AHCTF1: variants seen among roughly 807,000 people sequenced by gnomAD.
AHCTF1 encodes the protein AT-hook containing transcription factor 1.
A neutral mutation model predicts 248.4 loss-of-function variants in AHCTF1; 24 were observed. The observed-to-expected ratio is 0.10, with a 90% CI of 0.07 to 0.14. AHCTF1 has a LOEUF of 0.14. AHCTF1 is among the 10% of genes least tolerant of loss of function. The pLI is 1.00. For synonymous variants in AHCTF1, 786 were observed against 929.8 expected (o/e 0.85, Z 2.81); for missense variants, 2,206 against 2,636.2 (o/e 0.84, Z 3.57).
At chr1:246,888,580 G>A (rs770871250) in intron 17 of AHCTF1, 63 bp from the exon 18 acceptor site, 43 of 1,550,522 alleles carry the variant, frequency 2.8e-5, no homozygotes, top group Non-Finnish European at 3.0e-5. Flanking sequence ...AAAGCAACCA[G>A]CATCAAAATA....
chr1:246,898,448 A>G (rs2103163159), intron 11 of AHCTF1, 112 bp from the exon 12 acceptor site: 1 of 1,157,792 alleles, frequency 8.6e-7, no homozygotes, highest in Non-Finnish European at 1.2e-6. Context: ...AGCAAGTGGA[A>G]ATTATGAAAG....
chr1:246,868,077 C>G (rs1047708499), intron 24 of AHCTF1, among the ~76,000 whole-genome samples: 1 of 151,850 alleles, frequency 6.6e-6, no homozygotes, highest in Non-Finnish European at 1.5e-5. Context: ...ATTCTCCTGC[C>G]TCAGCCTCCC....
intron 1 of AHCTF1, among the ~76,000 whole-genome samples, chr1:246,924,566 G>A (rs746122214): frequency 1.1e-4 from 17 of 151,936 alleles, no homozygotes; most frequent in Admixed American, 7.2e-4. Flanking sequence ...TCAACCTAAC[G>A]TTCTTTCTTG....
chr1:246,898,375 A>G, intron 11 of AHCTF1, 39 bp from the exon 12 acceptor site: 4 of 1,556,014 alleles, frequency 2.6e-6, no homozygotes, highest in Non-Finnish European at 3.5e-6. Flanking sequence ...ATCAATGCTC[A>G]ATTTGAATAA....
intron 17 of AHCTF1, 84 bp from the exon 18 acceptor site, chr1:246,888,601 T>A: frequency 6.9e-7 from 1 of 1,457,452 alleles, no homozygotes; most frequent in South Asian, 1.3e-5. Context: ...TTAAAAGTAA[T>A]AATCCCAACT....
Position 246,913,347 on chromosome 1 carries a change from T to A in AHCTF1, c.441A>T (p.Pro147=). 1 of 1,613,980 alleles carries A rather than the reference T, an allele frequency of 6.2e-7. No individual in the cohort carries two copies. The highest frequency in any genetic ancestry group is 8.5e-7 in the Non-Finnish European group (1 of 1,179,856). ...CCACTCCAAAAAGCCATCGCAGACT[T>A]GGATGTAAATGCTGAGTGCTTGCAC... ...GASASTQHLH[P]SLRWLFGVAA... Residue 147 remains proline, a synonymous_variant, in exon 4 of 36, where the codon CCA becomes CCT. Coordinates refer to ENST00000648844, the MANE Select transcript of AHCTF1 (RefSeq NM_001323342.2).
chr1:246,928,228 G>A (rs1178512398), intron 1 of AHCTF1, among the ~76,000 whole-genome samples: 2 of 151,310 alleles, frequency 1.3e-5, no homozygotes, highest in African/African-American at 2.4e-5. Flanking sequence ...GCATGAACCC[G>A]GGAGGCGGAC....
chr1:246,880,610 C>T (rs1663331378), intron 21 of AHCTF1, among the ~76,000 whole-genome samples: 1 of 150,628 alleles, frequency 6.6e-6, no homozygotes, highest in South Asian at 2.1e-4. Context: ...CTGATACCTA[C>T]ACCCAGTTGA....
At chr1:246,883,176 T>C (rs1281641442) in intron 21 of AHCTF1, among the ~76,000 whole-genome samples, 3 of 152,236 alleles carry the variant, frequency 2.0e-5, no homozygotes, top group Non-Finnish European at 2.9e-5. Flanking sequence ...TAGTGTTTGA[T>C]GGTTTAAATA....
rs76348162 is a variant in AHCTF1, at chr1:246,877,144, C to T, written c.2805+14G>A. On this transcript the variant is annotated intron_variant, in intron 22 of 35. Coordinates refer to ENST00000648844, the MANE Select transcript of AHCTF1 (RefSeq NM_001323342.2). The stretch of plus-strand genomic sequence containing the variant: ...TCTTGAATTTCTGACAAGTTTACAT[C>T]GGTAAGTAATTACCTGCTCAGTGTC... 3,552 of 1,612,430 alleles carry T rather than the reference C, an allele frequency of 2.2e-3. 15 individuals are homozygous for T. The highest frequency in any genetic ancestry group is 0.014 in the African/African-American group (1,040 of 74,970).
chr1:246,911,086 T>C (rs1357324601), intron 4 of AHCTF1, among the ~76,000 whole-genome samples: 2 of 152,222 alleles, frequency 1.3e-5, no homozygotes, highest in African/African-American at 2.4e-5. Context: ...CTTCCAATTC[T>C]CAAAATTGAG....
At chr1:246,872,384 C>A (rs916851956) in intron 24 of AHCTF1, among the ~76,000 whole-genome samples, 1 of 152,114 alleles carries the variant, frequency 6.6e-6, no homozygotes, top group African/African-American at 2.4e-5. Context: ...AGTGTAGACA[C>A]CTTTACTGGC....
intron 1 of AHCTF1, among the ~76,000 whole-genome samples, chr1:246,920,142 C>CA (rs68194249): frequency 0.041 from 1,689 of 40,794 alleles, 348 homozygotes; most frequent in African/African-American, 0.11. Flanking sequence ...CTGTCCCCCG[C>CA]AAAAAAAAAA....
intron 24 of AHCTF1, among the ~76,000 whole-genome samples, chr1:246,874,876 T>C (rs1172777954): frequency 6.6e-6 from 1 of 152,198 alleles, no homozygotes; most frequent in Non-Finnish European, 1.5e-5. Context: ...GACATACTTC[T>C]AGGGGGAAAA....
intron 1 of AHCTF1, among the ~76,000 whole-genome samples, chr1:246,926,543 A>C (rs1666927834): frequency 6.6e-6 from 1 of 152,210 alleles, no homozygotes; most frequent in Admixed American, 6.5e-5. Context: ...CACTACAGAG[A>C]ACATCGAAAC....
chr1:246,916,896 T>C (rs1666188131), intron 2 of AHCTF1, among the ~76,000 whole-genome samples: 1 of 152,216 alleles, frequency 6.6e-6, no homozygotes, highest in African/African-American at 2.4e-5. Flanking sequence ...ATGGCAGTTA[T>C]AAAATAGAAC....
intron 20 of AHCTF1, 73 bp from the exon 21 acceptor site, chr1:246,885,753 C>T (rs1428286146): frequency 2.2e-6 from 3 of 1,334,800 alleles, no homozygotes; most frequent in Non-Finnish European, 1.0e-6. Context: ...AAACCTAACA[C>T]TAAAAACCAC....
chr1:246,874,539 T>A (rs1000107451), intron 24 of AHCTF1, among the ~76,000 whole-genome samples: 10 of 152,150 alleles, frequency 6.6e-5, no homozygotes, highest in Admixed American at 1.3e-4. Context: ...GACATGGTGG[T>A]CATGAAACGG....
In AHCTF1 at chr1:246,874,102, ATCT is replaced by A. The variant is rs1310241924; in HGVS notation, c.3088+1932_3088+1934del. On this transcript the variant is annotated intron_variant, in intron 24 of 35. Transcript: ENST00000648844. ...TATTAAAAATATTTAGTATTTTATA[ATCT>A]TTTTTAATATTAGAGACAACCCACT... 5.9e-5 allele frequency among the ~76,000 whole-genome samples: 9 copies of A among 152,162 alleles called. No homozygotes were observed. The East Asian group carries it at 1.7e-3, about 29-fold the overall frequency.
Sources: allele counts gnomAD v4.1 joint callset (sites outside exome capture counted in the v4.1 genomes callset), GRCh38; gene constraint gnomAD v4.1.1; transcripts MANE v1.5; gene names NCBI Gene and HGNC (gene_info 2026-07-23, HGNC 2026-07-21).